Variants in VWA8 observed in about 807,000 individuals in gnomAD.
VWA8 encodes von Willebrand factor A domain-containing protein 8.
Under a neutral mutation model 241.5 loss-of-function variants are expected in VWA8, and 221 were observed. That is an observed-to-expected ratio of 0.91 (90% CI 0.82 to 1.02). The LOEUF (loss-of-function observed/expected upper bound fraction) is 1.02, where lower values mean the gene tolerates loss of function less well. Ranked by LOEUF, VWA8 falls within the 50% of genes least tolerant of loss-of-function variation. VWA8 has a pLI of 0.00. For missense variants in VWA8, 2,322 were observed against 2,328.7 expected, an observed-to-expected ratio of 1.00 and a Z score of 0.06; for synonymous variants, 852 against 827.1, an observed-to-expected ratio of 1.03 and a Z score of -0.52.
intron 26 of VWA8, among the ~76,000 whole-genome samples, chr13:41,705,347 G>A (rs2045276495): frequency 6.6e-6 from 1 of 152,128 alleles, no homozygotes; most frequent in Non-Finnish European, 1.5e-5. Flanking sequence ...CAATTACTGT[G>A]TTCTCTCTTT....
intron 12 of VWA8, among the ~76,000 whole-genome samples, chr13:41,841,782 C>T (rs575870808): frequency 0.039 from 1,331 of 34,466 alleles, 25 homozygotes; most frequent in Non-Finnish European, 0.049. Context: ...GAGACTCTGT[C>T]TCAAAAAAAA....
Position 41,568,238 on chromosome 13 carries a change from A to AAATC in VWA8, c.5673_5676dup (p.Leu1893AspfsTer28). On this transcript the variant is annotated frameshift_variant, in exon 45 of 45. Transcript: ENST00000379310. LOFTEE classifies it high-confidence loss of function. ...ATGGTGGAGGTGAAGATCTGTTGTA[A>AAATC]AATCTGAGGGATATCCTTGGTATCC... 1 of 1,614,072 alleles carries AAATC rather than the reference A, an allele frequency of 6.2e-7. No homozygotes were observed. Among genetic ancestry groups the AAATC allele is most frequent in the South Asian group, 1.1e-5 (1 of 91,070 alleles).
At chr13:41,796,891 T>C (rs139365039) in intron 17 of VWA8, among the ~76,000 whole-genome samples, 9 of 152,298 alleles carry the variant, frequency 5.9e-5, no homozygotes, top group African/African-American at 1.9e-4. Context: ...ATTTCTTCTT[T>C]TGATGTCTGA....
At chr13:41,684,599 A>G (rs1325354417) in intron 35 of VWA8, among the ~76,000 whole-genome samples, 4 of 152,180 alleles carry the variant, frequency 2.6e-5, no homozygotes, top group South Asian at 2.1e-4. Context: ...GAATTTATAC[A>G]AGGAAAGGAG....
intron 38 of VWA8, 41 bp downstream of exon 38, chr13:41,614,935 C>T (rs2139662991): frequency 6.2e-7 from 1 of 1,605,952 alleles, no homozygotes; most frequent in Non-Finnish European, 8.5e-7. Context: ...GCTTGGGAAA[C>T]CTGGGGAAGG....
intron 21 of VWA8, among the ~76,000 whole-genome samples, chr13:41,739,835 TTTTG>T: frequency 1.8e-5 from 1 of 56,374 alleles, no homozygotes. Flanking sequence ...TTGTTTTTTT[TTTTG>T]TTTTTTTTGT....
chr13:41,960,941 G>C lies in VWA8; in HGVS notation c.75C>G (p.Leu25=), dbSNP rs577976254. Residue 25 remains leucine (L), a synonymous_variant, in exon 1 of 45, where the codon CTC becomes CTG. Coordinates refer to ENST00000379310, the MANE Select transcript of VWA8 (RefSeq NM_015058.2). ...GGPASRRMRL[L]LRQVVQRRPG... is the part of the protein sequence containing the mutation. ...GCCTGCGCTGCACCACCTGCCGCAG[G>C]AGCAGCCGCATGCGCCGCGAGGCCG... 2 of 1,481,300 alleles carry C rather than the reference G, an allele frequency of 1.4e-6. No individual in the cohort carries two copies. Among genetic ancestry groups the C allele is most frequent in the Non-Finnish European group, 1.8e-6 (2 of 1,123,516 alleles). 91.8% of individuals were successfully genotyped at this position (1,481,300 alleles called of 1,614,324 possible). A position where few individuals can be genotyped will look rare whatever the true frequency, so the allele number is the denominator to read the frequency against.
At chr13:41,606,069 C>G (rs1314002559) in intron 39 of VWA8, among the ~76,000 whole-genome samples, 1 of 152,118 alleles carries the variant, frequency 6.6e-6, no homozygotes, top group Non-Finnish European at 1.5e-5. Flanking sequence ...CTTCAAGACT[C>G]AAGTCAATGA....
rs753494143 is a variant in VWA8 at position 41,689,434 on chromosome 13, G to C, written c.4051C>G (p.Gln1351Glu). Residue 1351 changes from glutamine (Q) to glutamate (E), a missense_variant, in exon 34 of 45, where the codon CAA (glutamine) becomes GAA (glutamate). Coordinates refer to ENST00000379310, the MANE Select transcript of VWA8 (RefSeq NM_015058.2). ...SSEHLSSAVE[Q>E]KIASPNRILS... The stretch of plus-strand genomic sequence containing the variant: ...ATTCTGTTGGGAGAGGCAATCTTTT[G>C]TTCCACAGCTGAACTTAGATGTTCA... 1 of 1,611,974 alleles carries C rather than the reference G, an allele frequency of 6.2e-7. No individual in the cohort carries two copies. Among genetic ancestry groups the C allele is most frequent in the Non-Finnish European group, 8.5e-7 (1 of 1,179,110 alleles).
chr13:41,898,910 CA>C (rs11359682), intron 4 of VWA8, among the ~76,000 whole-genome samples: 152,252 of 152,252 alleles, frequency 1, 76,126 homozygotes, highest in Non-Finnish European at 1. Flanking sequence ...CCCGGAACTC[CA>C]AGCTGGCCCG....
At position 41,591,652 on chromosome 13, in the gene VWA8, A is replaced by G. The variant is rs371265340; in HGVS notation, c.4987-887T>C. ...CAAACAACCCCATCAAAAAGTGGGCAAAGGACATGAACAGACACTTCTCAA... is the reference window on the plus strand; with the variant it reads ...CAAACAACCCCATCAAAAAGTGGGCGAAGGACATGAACAGACACTTCTCAA... On this transcript the variant is annotated intron_variant, in intron 40 of 44. Coordinates refer to ENST00000379310, the MANE Select transcript of VWA8 (RefSeq NM_015058.2). Among the ~76,000 whole-genome samples, 596 of 151,356 alleles carry G rather than the reference A, an allele frequency of 3.9e-3. 4 individuals are homozygous for G. Among genetic ancestry groups the G allele is most frequent in the African/African-American group, 0.014 (574 of 41,156 alleles).
chr13:41,637,425 A>AG (rs1434612662), intron 37 of VWA8, among the ~76,000 whole-genome samples: 1 of 68,934 alleles, frequency 1.5e-5, no homozygotes, highest in Admixed American at 2.3e-4. Context: ...GGGTGGGGGG[A>AG]GGGGGGAGGG....
intron 40 of VWA8, among the ~76,000 whole-genome samples, chr13:41,594,180 A>C (rs563777628): frequency 2.0e-5 from 3 of 151,178 alleles, no homozygotes; most frequent in Non-Finnish European, 4.4e-5. Flanking sequence ...CAGTGGTACG[A>C]TCATAGCTCA....
chr13:41,644,511 T>A (rs1420501256), intron 37 of VWA8, among the ~76,000 whole-genome samples: 1 of 152,252 alleles, frequency 6.6e-6, no homozygotes, highest in Non-Finnish European at 1.5e-5. Flanking sequence ...GTGTGTTTTC[T>A]CTAGCTACTC....
At chr13:41,575,372 T>C (rs1330126247) in intron 43 of VWA8, among the ~76,000 whole-genome samples, 1 of 152,056 alleles carries the variant, frequency 6.6e-6, no homozygotes, top group Non-Finnish European at 1.5e-5. Flanking sequence ...AACTCATCCA[T>C]ATAACCAAAA....
At chr13:41,701,100 A>AT (rs907339679) in intron 28 of VWA8, among the ~76,000 whole-genome samples, 1 of 152,062 alleles carries the variant, frequency 6.6e-6, no homozygotes, top group Non-Finnish European at 1.5e-5. Flanking sequence ...TCTCCTTTTT[A>AT]TTTTTCCCTT....
chr13:41,785,320 T>G (rs192900378), intron 18 of VWA8, among the ~76,000 whole-genome samples: 8 of 152,292 alleles, frequency 5.3e-5, no homozygotes, highest in Non-Finnish European at 4.4e-5. Flanking sequence ...GAGTAGAGCT[T>G]AAAACAATTT....
intron 37 of VWA8, among the ~76,000 whole-genome samples, chr13:41,634,495 T>C (rs2044744968): frequency 6.6e-6 from 1 of 152,092 alleles, no homozygotes; most frequent in South Asian, 2.1e-4. Flanking sequence ...TAGATAGAGT[T>C]TGAGGTTAGG....
intron 9 of VWA8, among the ~76,000 whole-genome samples, chr13:41,870,549 G>A (rs1358271206): frequency 6.7e-6 from 1 of 149,832 alleles, no homozygotes; most frequent in African/African-American, 2.5e-5. Flanking sequence ...TGGGTCAGGA[G>A]AATCGCTTGA....
Sources: gnomAD v4.1 joint callset for allele counts (sites outside exome capture counted in the v4.1 genomes callset) on GRCh38, gnomAD v4.1.1 for gene constraint, MANE v1.5 for transcripts, NCBI Gene and HGNC (gene_info 2026-07-23, HGNC 2026-07-21) for gene names.